Variants in NCOA3 observed in about 807,000 individuals in gnomAD.
NCOA3 encodes nuclear receptor coactivator 3.
NCOA3 carries 51 observed loss-of-function variants against 158.8 expected under a neutral mutation model. The observed-to-expected ratio is 0.32, with a 90% CI of 0.26 to 0.41. NCOA3 has a LOEUF of 0.41. NCOA3 is among the 10% of genes least tolerant of loss of function. The pLI, the probability that NCOA3 is intolerant of heterozygous loss-of-function variation, is 1.00. For synonymous variants in NCOA3, 537 were observed against 592.4 expected (o/e 0.91, Z 1.36); for missense variants, 1,510 against 1,746.6 (o/e 0.86, Z 2.41).
At position 47,627,138 on chromosome 20, in the gene NCOA3, A is replaced by G; in HGVS notation, c.494A>G (p.Asp165Gly). The G allele has an allele frequency of 1.2e-6, 2 of 1,609,778 alleles. No homozygotes were observed. Among genetic ancestry groups the G allele is most frequent in the South Asian group, 1.1e-5 (1 of 89,864 alleles). The change falls in exon 6 of 23, where the codon GAC becomes GGC. Residue 165 changes from aspartate (D) to glycine (G), a missense_variant. Physicochemically the swap from Asp to Gly is moderately conservative, Grantham distance 94 (BLOSUM62 -1). Coordinates refer to ENST00000371998, the MANE Select transcript of NCOA3 (RefSeq NM_181659.3). ...GTTTACAATATCTTACATGAAGAAG[A>G]CAGAAAGGATTTTCTTAAGAATTTA... ...TSVYNILHEEDRKDFLKNLPK... is the reference protein window; with the variant it reads ...TSVYNILHEEGRKDFLKNLPK...
chr20:47,634,205 G>T lies in NCOA3; in HGVS notation c.1112+10G>T. On this transcript the variant is annotated intron_variant, in intron 10 of 22. Transcript: ENST00000371998. ...CCCACTTCCTTCAGAGGTAATGATAGATTACTGTGTATTCTAATACAAAAT... is the reference window on the plus strand; with the variant it reads ...CCCACTTCCTTCAGAGGTAATGATATATTACTGTGTATTCTAATACAAAAT... The T allele has an allele frequency of 6.2e-7, 1 of 1,609,514 alleles. No homozygotes were observed. Among genetic ancestry groups the T allele is most frequent in the Non-Finnish European group, 8.5e-7 (1 of 1,176,808 alleles).
chr20:47,627,967 G>A lies in NCOA3; in HGVS notation c.767G>A (p.Gly256Glu). 1 of 1,613,974 alleles carries A rather than the reference G, an allele frequency of 6.2e-7. No individual in the cohort carries two copies. The highest frequency in any genetic ancestry group is 8.5e-7 in the Non-Finnish European group (1 of 1,179,972). The change falls in exon 8 of 23, where the codon GGA becomes GAA. Residue 256 changes from glycine (G) to glutamate (E), a missense_variant. This residue lies in a region of NCOA3 where 309 missense variants were observed against 427.1 expected (regional missense o/e 0.72). Transcript: ENST00000371998. ...MICVARRITT[G>E]ERTFPSNPES... is the part of the protein sequence containing the mutation. Reference sequence around the variant, plus strand: ...TGTGTGGCACGCCGCATTACTACAGGAGAAAGAACATTTCCATCAAACCCT... The same window carrying A: ...TGTGTGGCACGCCGCATTACTACAGAAGAAAGAACATTTCCATCAAACCCT...
chr20:47,600,110 TTGTGTGTGTG>T (rs11472351), intron 2 of NCOA3, among the ~76,000 whole-genome samples: 37 of 143,080 alleles, frequency 2.6e-4, no homozygotes, highest in African/African-American at 6.3e-4. Context: ...CTCACTTCCT[TTGTGTGTGTG>T]TGTGTGTGTG....
chr20:47,516,621 G>A (rs1449073775), intron 1 of NCOA3, among the ~76,000 whole-genome samples: 1 of 151,988 alleles, frequency 6.6e-6, no homozygotes, highest in Non-Finnish European at 1.5e-5. Flanking sequence ...AAAAACAAAG[G>A]TTCCAAGCAG....
At chr20:47,548,621 AG>A (rs2084874374) in intron 1 of NCOA3, among the ~76,000 whole-genome samples, 1 of 152,232 alleles carries the variant, frequency 6.6e-6, no homozygotes, top group African/African-American at 2.4e-5. Context: ...TTTGAGAAGA[AG>A]GGGTGGTACA....
intron 17 of NCOA3, among the ~76,000 whole-genome samples, chr20:47,643,382 C>T (rs72645286): frequency 2.6e-5 from 4 of 152,354 alleles, no homozygotes; most frequent in East Asian, 1.9e-4. Context: ...AGATGGGAAA[C>T]GCTGAGCAGT....
chr20:47,628,053 C>G (rs2273023), intron 8 of NCOA3, 30 bp downstream of exon 8: 121,523 of 1,489,734 alleles, frequency 0.082, 5,713 homozygotes, highest in Non-Finnish European at 0.093. Context: ...CTCTCTCTCT[C>G]TCTGTGTATA....
chr20:47,635,804 T>C, intron 11 of NCOA3, 87 bp from the exon 12 acceptor site: 2 of 1,490,592 alleles, frequency 1.3e-6, no homozygotes, highest in Non-Finnish European at 1.8e-6. Context: ...TAATCTATTT[T>C]ATAATAGAAA....
intron 1 of NCOA3, among the ~76,000 whole-genome samples, chr20:47,522,392 C>T (rs1047466423): frequency 2.7e-5 from 4 of 149,894 alleles, no homozygotes; most frequent in Non-Finnish European, 4.4e-5. Flanking sequence ...AGGCGTGAGC[C>T]ACAGCGCCCG....
At chr20:47,513,721 C>CAAAAA (rs140204780) in intron 1 of NCOA3, among the ~76,000 whole-genome samples, 1 of 82,692 alleles carries the variant, frequency 1.2e-5, no homozygotes, top group African/African-American at 4.3e-5. Flanking sequence ...GACTCTGTCT[C>CAAAAA]AAAAAAAAAA....
chr20:47,612,223 A>C (rs950460494), intron 2 of NCOA3, among the ~76,000 whole-genome samples: 1 of 152,228 alleles, frequency 6.6e-6, no homozygotes, highest in Non-Finnish European at 1.5e-5. Flanking sequence ...AAAGCAAAGG[A>C]GAACTGGAGT....
In NCOA3 at chr20:47,645,730, C is replaced by G. The variant is rs180725527; in HGVS notation, c.3253-1343C>G. ...CTTTATTAAGACATCTTCAGCCAGG[C>G]ATGATGGTGTGTGCCTGTAGTCCCA... On this transcript the variant is annotated intron_variant, in intron 17 of 22. Coordinates refer to ENST00000371998, the MANE Select transcript of NCOA3 (RefSeq NM_181659.3). Among the ~76,000 whole-genome samples the G allele has an allele frequency of 3.4e-4, 51 of 152,226 alleles. 1 individual carries two copies. Among genetic ancestry groups the G allele is most frequent in the Admixed American group, 3.1e-3 (48 of 15,290 alleles).
intron 1 of NCOA3, among the ~76,000 whole-genome samples, chr20:47,550,956 C>G (rs545897234): frequency 6.6e-6 from 1 of 152,088 alleles, no homozygotes; most frequent in African/African-American, 2.4e-5. Context: ...TTTTTCAATA[C>G]TTAGACCTTA....
chr20:47,567,012 C>CTATGTACG lies in NCOA3; in HGVS notation c.-98-16165_-98-16164insCGTATGTA, dbSNP rs904150545. On this transcript the variant is annotated intron_variant, in intron 1 of 22. Coordinates refer to ENST00000371998, the MANE Select transcript of NCOA3 (RefSeq NM_181659.3). ...TACTAACAGTTTACATGGTATAGTA[C>CTATGTACG]TATGTATGTATGTATGTATGTATGT... Among the ~76,000 whole-genome samples the CTATGTACG allele has an allele frequency of 6.3e-3, 911 of 145,458 alleles. 18 individuals carry two copies. Among genetic ancestry groups the CTATGTACG allele is most frequent in the African/African-American group, 0.022 (862 of 39,048 alleles).
At position 47,639,175 on chromosome 20, in the gene NCOA3, A is replaced by G. The variant is rs758551601; in HGVS notation, c.2680A>G (p.Ser894Gly). The G allele has an allele frequency of 6.2e-7, 1 of 1,613,920 alleles. No homozygotes were observed. The highest frequency in any genetic ancestry group is 8.5e-7 in the Non-Finnish European group (1 of 1,179,926). ...GGGTGGGAATCCAAGAATGATGGATAGTCAGGAAAATTATGGCTCAAGTAT... is the reference window on the plus strand; with the variant it reads ...GGGTGGGAATCCAAGAATGATGGATGGTCAGGAAAATTATGGCTCAAGTAT... Reference protein sequence around the residue: ...MLGGNPRMMDSQENYGSSMGG... With the variant: ...MLGGNPRMMDGQENYGSSMGG... The change falls in exon 14 of 23, where the codon AGT (serine) becomes GGT (glycine). Residue 894 changes from serine (S) to glycine (G), a missense_variant. Coordinates refer to ENST00000371998, the MANE Select transcript of NCOA3 (RefSeq NM_181659.3).
At chr20:47,538,167 A>T (rs2146122076) in intron 1 of NCOA3, among the ~76,000 whole-genome samples, 1 of 152,296 alleles carries the variant, frequency 6.6e-6, no homozygotes, top group East Asian at 1.9e-4. Flanking sequence ...GGCATGAACC[A>T]CCGCGCCTGG....
chr20:47,650,260 T>TC (rs578232160), intron 19 of NCOA3, among the ~76,000 whole-genome samples: 3 of 114,144 alleles, frequency 2.6e-5, no homozygotes, highest in Admixed American at 1.7e-4. Flanking sequence ...GCCAGAAAGC[T>TC]TTTTTTTTTT....
At chr20:47,553,699 T>A (rs2084958216) in intron 1 of NCOA3, among the ~76,000 whole-genome samples, 1 of 152,112 alleles carries the variant, frequency 6.6e-6, no homozygotes, top group African/African-American at 2.4e-5. Flanking sequence ...GTTTCCAGCT[T>A]CATTCATGTC....
intron 17 of NCOA3, among the ~76,000 whole-genome samples, chr20:47,643,547 TTCTC>T (rs983846628): frequency 5.3e-5 from 8 of 152,210 alleles, no homozygotes; most frequent in Non-Finnish European, 5.9e-5. Flanking sequence ...CCTCCTGTAG[TTCTC>T]TCTGTTTTAC....
Sources: gnomAD v4.1 joint callset for allele counts (sites outside exome capture counted in the v4.1 genomes callset) on GRCh38, gnomAD v4.1.1 for gene constraint, gnomAD v4.1.1 regional missense constraint, MANE v1.5 for transcripts, NCBI Gene and HGNC (gene_info 2026-07-23, HGNC 2026-07-21) for gene names.